IL6ST: variants seen among roughly 807,000 people sequenced by gnomAD.
IL6ST encodes interleukin-6 receptor subunit beta.
A neutral mutation model predicts 91.3 loss-of-function variants in IL6ST; 24 were observed. The observed-to-expected ratio is 0.26, with a 90% CI of 0.19 to 0.37. The LOEUF (loss-of-function observed/expected upper bound fraction) is 0.37, where lower values mean the gene tolerates loss of function less well. IL6ST is among the 10% of genes least tolerant of loss of function. The pLI, the probability that IL6ST is intolerant of heterozygous loss-of-function variation, is 1.00. For missense variants in IL6ST, 914 were observed against 1,078.5 expected (o/e 0.85, Z 2.14); for synonymous variants, 351 against 373.6 (o/e 0.94, Z 0.70).
At chr5:55,963,748 AG>A (rs1249372884) in intron 6 of IL6ST, among the ~76,000 whole-genome samples, 1 of 152,194 alleles carries the variant, frequency 6.6e-6, no homozygotes, top group Non-Finnish European at 1.5e-5. Flanking sequence ...ATATGTCAAA[AG>A]ACAAATATTT....
chr5:55,968,577 T>C (rs370280271), intron 4 of IL6ST, among the ~76,000 whole-genome samples, 181 bp from the exon 5 acceptor site: 3 of 152,222 alleles, frequency 2.0e-5, no homozygotes, highest in African/African-American at 7.2e-5. Flanking sequence ...TTACACTTCT[T>C]TTCAGGAAGT....
Position 55,954,856 on chromosome 5 carries a change from T to C in IL6ST, c.1404A>G (p.Thr468=), listed in dbSNP as rs921718088. 1 of 1,613,196 alleles carries C rather than the reference T, an allele frequency of 6.2e-7. No homozygotes were observed. Among genetic ancestry groups the C allele is most frequent in the African/African-American group, 1.3e-5 (1 of 74,898 alleles). ...CVLSDKAPCI[T]DWQQEDGTVH... ...CGGTACCATCTTCTTGTTGCCAGTC[T>C]GTGATACAGGGTGCTTTATCTGATA... The change falls in exon 11 of 17, where the codon ACA becomes ACG. Residue 468 remains threonine, a synonymous_variant. Coordinates refer to ENST00000381298, the MANE Select transcript of IL6ST (RefSeq NM_002184.4).
chr5:55,978,987 C>A (rs558312430), intron 2 of IL6ST, among the ~76,000 whole-genome samples: 1 of 152,158 alleles, frequency 6.6e-6, no homozygotes, highest in Non-Finnish European at 1.5e-5. Flanking sequence ...AACCAAATAT[C>A]TATTAACACT....
chr5:55,966,834 G>A (rs987014458), intron 5 of IL6ST, among the ~76,000 whole-genome samples: 1 of 151,872 alleles, frequency 6.6e-6, no homozygotes, highest in Non-Finnish European at 1.5e-5. Context: ...AAAGGAATAA[G>A]GCTGACAACA....
rs145411704 is a variant in IL6ST at position 55,986,838 on chromosome 5, C to T, written c.-103-4027G>A. Among the ~76,000 whole-genome samples the T allele has an allele frequency of 9.8e-4, 149 of 152,274 alleles. 1 individual carries two copies. Among genetic ancestry groups the T allele is most frequent in the African/African-American group, 3.2e-3 (135 of 41,540 alleles). ...GTATACTTCCATTTCTCCCCCCAGACCTTTGTGCTATTTTAGCATATATTT... is the reference window on the plus strand; with the variant it reads ...GTATACTTCCATTTCTCCCCCCAGATCTTTGTGCTATTTTAGCATATATTT... On this transcript the variant is annotated intron_variant, in intron 1 of 16. Coordinates refer to ENST00000381298, the MANE Select transcript of IL6ST (RefSeq NM_002184.4).
At chr5:55,991,207 C>A (rs1701471151) in intron 1 of IL6ST, among the ~76,000 whole-genome samples, 1 of 152,146 alleles carries the variant, frequency 6.6e-6, no homozygotes, top group Non-Finnish European at 1.5e-5. Flanking sequence ...CATACGTGTG[C>A]ATGTATGTCT....
intron 1 of IL6ST, among the ~76,000 whole-genome samples, chr5:55,993,325 C>A (rs3827618): frequency 0.24 from 36,622 of 151,846 alleles, 6,864 homozygotes; most frequent in African/African-American, 0.53. Flanking sequence ...TAGTTTTCAG[C>A]GAGACTCCTG....
In IL6ST at chr5:55,952,032, T is replaced by C. The variant is rs1332706602; in HGVS notation, c.1596A>G (p.Lys532=). 1 of 1,613,518 alleles carries C rather than the reference T, an allele frequency of 6.2e-7. No homozygotes were observed. Among genetic ancestry groups the C allele is most frequent in the African/African-American group, 1.3e-5 (1 of 74,916 alleles). Residue 532 remains lysine (K), a synonymous_variant, in exon 13 of 17, where the codon AAA becomes AAG. Coordinates refer to ENST00000381298, the MANE Select transcript of IL6ST (RefSeq NM_002184.4). ...GPTVRTKKVG[K]NEAVLEWDQL... ...GGTCCCACTCTAAGACAGCTTCGTT[T>C]TTCCCTACTTTTTTTGTCCGAACAG... is the stretch of plus-strand genomic sequence containing the variant.
intron 3 of IL6ST, among the ~76,000 whole-genome samples, 170 bp from the exon 4 acceptor site, chr5:55,970,025 C>A (rs142023495): frequency 2.2e-4 from 33 of 152,164 alleles, no homozygotes; most frequent in African/African-American, 7.9e-4. Flanking sequence ...AATTTAATGC[C>A]TGAATTTGTA....
rs768129650 is a variant in IL6ST at position 55,941,524 on chromosome 5, G to A, written c.2315C>T (p.Pro772Leu). The A allele has an allele frequency of 1.1e-5, 18 of 1,614,010 alleles. No homozygotes were observed. The highest frequency in any genetic ancestry group is 1.6e-4 in the Middle Eastern group (1 of 6,084). Residue 772 changes from proline (P) to leucine (L), a missense_variant, in exon 17 of 17, where the codon CCG (proline) becomes CTG (leucine). Transcript: ENST00000381298. ...GGATCTTGAGAAGACTTGGACTGAC[G>A]GAACTTGGTGTCTGTAGCCACTGTG... ...VVHSGYRHQV[P>L]SVQVFSRSES...
intron 8 of IL6ST, among the ~76,000 whole-genome samples, chr5:55,959,249 GACTCCC>G (rs1191415892): frequency 2.6e-5 from 4 of 152,154 alleles, no homozygotes; most frequent in Admixed American, 2.6e-4. Flanking sequence ...TCTGGCTGAG[GACTCCC>G]ACAGCAGCAA....
rs4084823 is a variant in IL6ST at position 55,941,289 on chromosome 5, C to T, written c.2550G>A (p.Gln850=). 9.9e-6 allele frequency: 16 copies of T among 1,614,096 alleles called. No homozygotes were observed. The highest frequency in any genetic ancestry group is 1.4e-5 in the Non-Finnish European group (16 of 1,179,962). Residue 850 remains glutamine (Q), a synonymous_variant, in exon 17 of 17, where the codon CAG becomes CAA. Transcript: ENST00000381298. ...ATTGTGAAATATGATCTGAAATCTG[C>T]TGTTTAAGTCTAACAAAATCTTCCT... ...VNEEDFVRLK[Q]QISDHISQSC... is the part of the protein sequence containing the mutation.
chr5:55,960,714 A>C (rs1334641173), intron 7 of IL6ST, among the ~76,000 whole-genome samples, 153 bp from the exon 8 acceptor site: 1 of 151,408 alleles, frequency 6.6e-6, no homozygotes, highest in East Asian at 1.9e-4. Context: ...CACAACCTCT[A>C]CCTCTCCCAG....
intron 14 of IL6ST, among the ~76,000 whole-genome samples, chr5:55,948,589 G>C (rs1751423547): frequency 6.6e-6 from 1 of 151,366 alleles, no homozygotes; most frequent in African/African-American, 2.4e-5. Context: ...TGTATATATT[G>C]ATATATGTGT....
At chr5:55,946,899 A>G (rs1751291797) in intron 15 of IL6ST, among the ~76,000 whole-genome samples, 2 of 151,794 alleles carry the variant, frequency 1.3e-5, no homozygotes, top group Admixed American at 6.6e-5. Context: ...AAAAGACTAC[A>G]CGCTATGTGA....
intron 1 of IL6ST, among the ~76,000 whole-genome samples, chr5:55,986,621 A>T (rs973935630): frequency 6.6e-6 from 1 of 151,786 alleles, no homozygotes; most frequent in Non-Finnish European, 1.5e-5. Flanking sequence ...TTTCTTCTTG[A>T]CTGTTCTTTG....
chr5:55,992,132 C>G (rs1291108737), intron 1 of IL6ST, among the ~76,000 whole-genome samples: 1 of 152,202 alleles, frequency 6.6e-6, no homozygotes, highest in Non-Finnish European at 1.5e-5. Flanking sequence ...CCCCCCACTT[C>G]AAACATCTTT....
chr5:55,941,325 T>C lies in IL6ST; in HGVS notation c.2514A>G (p.Ser838=). 3.7e-6 allele frequency: 6 copies of C among 1,614,122 alleles called. No individual in the cohort carries two copies. Among genetic ancestry groups the C allele is most frequent in the Non-Finnish European group, 5.1e-6 (6 of 1,180,000 alleles). ...ISHFERSKQV[S]SVNEEDFVRL... is the part of the protein sequence containing the mutation. Reference sequence around the variant, plus strand: ...TAACAAAATCTTCCTCATTGACTGATGAAACTTGCTTTGACCTTTCAAAAT... The same window carrying C: ...TAACAAAATCTTCCTCATTGACTGACGAAACTTGCTTTGACCTTTCAAAAT... Residue 838 remains serine (S), a synonymous_variant, in exon 17 of 17, where the codon TCA becomes TCG. Transcript: ENST00000381298.
intron 14 of IL6ST, among the ~76,000 whole-genome samples, chr5:55,949,856 G>A (rs977115197): frequency 1.3e-5 from 2 of 152,158 alleles, no homozygotes; most frequent in Admixed American, 1.3e-4. Context: ...GCACTTGGGG[G>A]TGGGGGTTAC....
Sources: allele counts gnomAD v4.1 joint callset (sites outside exome capture counted in the v4.1 genomes callset), GRCh38; gene constraint gnomAD v4.1.1; transcripts MANE v1.5; gene names NCBI Gene and HGNC (gene_info 2026-07-23, HGNC 2026-07-21).